TMPRSS9: variants seen among roughly 807,000 people sequenced by gnomAD.
TMPRSS9 encodes transmembrane protease serine 9.
A neutral mutation model predicts 111.4 loss-of-function variants in TMPRSS9; 113 were observed. The observed-to-expected ratio is 1.01, with a 90% confidence interval of 0.87 to 1.19. The LOEUF is 1.19. Among genes scored for constraint, TMPRSS9 ranks in the 50% most tolerant of loss-of-function variants. The probability of loss-of-function intolerance (pLI) is 0.00; values close to 1 mark genes in which losing one functional copy is unlikely to be tolerated. For missense variants in TMPRSS9, 1,803 were observed against 1,513.1 expected, an observed-to-expected ratio of 1.19 and a Z score of -3.18; for synonymous variants, 805 against 659.1, an observed-to-expected ratio of 1.22 and a Z score of -3.39.
At chr19:2,420,122 G>C (rs531366034) in intron 13 of TMPRSS9, among the ~76,000 whole-genome samples, 1 of 151,992 alleles carries the variant, frequency 6.6e-6, no homozygotes, top group Non-Finnish European at 1.5e-5. Context: ...TGATCACACA[G>C]CTGCACTCCA....
chr19:2,408,717 C>G, intron 8 of TMPRSS9, 87 bp downstream of exon 9: 2 of 1,515,714 alleles, frequency 1.3e-6, no homozygotes, highest in African/African-American at 2.7e-5. Flanking sequence ...TGGCTCACGC[C>G]TGTCATCCCA....
At chr19:2,388,438 C>A (rs1412744258), upstream of TMPRSS9, among the ~76,000 whole-genome samples, 5 of 152,012 alleles carry the variant, frequency 3.3e-5, no homozygotes, top group Non-Finnish European at 7.4e-5. Flanking sequence ...CTGGAAGAGG[C>A]TGCACTGTGG....
chr19:2,380,716 C>T (rs1210249805), intron 1 of TMPRSS9, among the ~76,000 whole-genome samples: 3 of 152,160 alleles, frequency 2.0e-5, no homozygotes, highest in Admixed American at 1.3e-4. Flanking sequence ...CAGCTAAACC[C>T]TGTCAGAATC....
At chr19:2,406,035 G>C (rs192003321) in intron 7 of TMPRSS9, among the ~76,000 whole-genome samples, 1,616 of 132,982 alleles carry the variant, frequency 0.012, 27 homozygotes, top group East Asian at 0.081. Flanking sequence ...TTTTGAGATG[G>C]AGTCTCGCTC....
At chr19:2,378,612 G>A (rs1169452589) in intron 1 of TMPRSS9, among the ~76,000 whole-genome samples, 2 of 152,180 alleles carry the variant, frequency 1.3e-5, no homozygotes, top group Non-Finnish European at 2.9e-5. Context: ...CAGCTACTTG[G>A]GAGGCTGAGG....
chr19:2,383,010 G>A (rs146374769), intron 1 of TMPRSS9, among the ~76,000 whole-genome samples: 1 of 152,222 alleles, frequency 6.6e-6, no homozygotes, highest in African/African-American at 2.4e-5. Flanking sequence ...ATTGGGTGAG[G>A]CCCACCACAT....
intron 1 of TMPRSS9, among the ~76,000 whole-genome samples, chr19:2,376,676 T>C (rs1865122): frequency 0.25 from 38,471 of 151,918 alleles, 5,420 homozygotes; most frequent in Admixed American, 0.38. Flanking sequence ...GCCAGGCTGA[T>C]CTCAAACTGA....
At chr19:2,399,168 C>T in exon 4 of TMPRSS9, 1 of 1,608,034 alleles carries the variant, frequency 6.2e-7, no homozygotes, top group East Asian at 2.2e-5. Context: ...CTGCCTATGG[C>T]ACAATTGTGT....
At chr19:2,425,045 T>C (rs1375978258) in exon 16 of TMPRSS9, 3 of 1,559,284 alleles carry the variant, frequency 1.9e-6, no homozygotes, top group Non-Finnish European at 2.6e-6. Context: ...AGGCACGCCG[T>C]TCCTGAGCGG....
At chr19:2,425,888 G>A (rs755211126) in intron 17 of TMPRSS9, 39 bp from the exon 19 acceptor site, 2 of 1,552,390 alleles carry the variant, frequency 1.3e-6, no homozygotes, top group South Asian at 2.4e-5. Flanking sequence ...TGTAGGGGAG[G>A]TACCGGCCTC....
intron 8 of TMPRSS9, among the ~76,000 whole-genome samples, chr19:2,409,284 A>C (rs951168735): frequency 6.6e-6 from 1 of 151,100 alleles, no homozygotes; most frequent in Non-Finnish European, 1.5e-5. Flanking sequence ...GACTATAGGC[A>C]TGCACCACCA....
At chr19:2,368,785 T>G (rs1193029677) in intron 1 of TMPRSS9, among the ~76,000 whole-genome samples, 3 of 110,820 alleles carry the variant, frequency 2.7e-5, no homozygotes, top group East Asian at 2.5e-4. Context: ...TTTTTTTTTT[T>G]TTTTTTTTTT....
At chr19:2,419,603 G>A (rs1359526084) in intron 13 of TMPRSS9, among the ~76,000 whole-genome samples, 2 of 151,162 alleles carry the variant, frequency 1.3e-5, no homozygotes, top group Admixed American at 6.6e-5. Flanking sequence ...TGCAACCTCT[G>A]CCTCCTGGGT....
exon 14 of TMPRSS9, chr19:2,422,247 G>C (rs1363463258): frequency 6.7e-7 from 1 of 1,502,180 alleles, no homozygotes; most frequent in Non-Finnish European, 8.8e-7. Context: ...CCAGCTACCA[G>C]GTACCGGGAG....
chr19:2,390,372 T>C (rs891281806), intron 1 of TMPRSS9, among the ~76,000 whole-genome samples: 3 of 148,976 alleles, frequency 2.0e-5, no homozygotes, highest in Non-Finnish European at 4.5e-5. Flanking sequence ...CCTCCCCGAG[T>C]AGCTGGGACT....
rs111240493 is a variant in TMPRSS9 at position 2,391,740 on chromosome 19, C to CTTT, written c.142+1826_142+1828dup. On this transcript the variant is annotated intron_variant, in intron 1 of 17. Transcript: ENST00000648592. Reference sequence around the variant, plus strand: ...GGACCCCCCTGAAAGGAAAGGAAGTCTTTTTTTTTTTTTTTGAGATGGAGT... The same window carrying CTTT: ...GGACCCCCCTGAAAGGAAAGGAAGTCTTTTTTTTTTTTTTTTTTGAGATGGAGT... 7.0e-3 allele frequency among the ~76,000 whole-genome samples: 929 copies of CTTT among 132,916 alleles called. 27 individuals carry two copies. Among genetic ancestry groups the CTTT allele is most frequent in the African/African-American group, 0.018 (643 of 34,926 alleles). 87.2% of individuals were successfully genotyped at this position (132,916 alleles called of 152,430 possible). A position where few individuals can be genotyped will look rare whatever the true frequency, so the allele number is the denominator to read the frequency against.
In TMPRSS9 at chr19:2,368,641, C is replaced by T. The variant is rs367992003; in HGVS notation, c.-26+8281C>T. Among the ~76,000 whole-genome samples, 108 of 152,216 alleles carry T rather than the reference C, an allele frequency of 7.1e-4. 2 individuals are homozygous for T. In the Middle Eastern group the frequency reaches 0.017, roughly 24 times the overall value. On this transcript the variant is annotated intron_variant, in intron 1 of 17. Coordinates refer to the TMPRSS9 transcript ENST00000649857. ...AAGATGGAAGTGGCATTTTGTGAGC[C>T]TGGGCGATGCCCTGCTTAGACCAGG...
At chr19:2,423,398 G>T (rs1407711114) in intron 14 of TMPRSS9, among the ~76,000 whole-genome samples, 1 of 150,194 alleles carries the variant, frequency 6.7e-6, no homozygotes, top group Non-Finnish European at 1.5e-5. Flanking sequence ...GCCAAGGCTG[G>T]TGGGGAACTG....
intron 14 of TMPRSS9, among the ~76,000 whole-genome samples, chr19:2,422,997 C>A (rs922512199): frequency 1.3e-5 from 2 of 151,196 alleles, no homozygotes; most frequent in African/African-American, 4.9e-5. Context: ...GCAGAGGCTG[C>A]AGTGAGCCGA....
Sources: gnomAD v4.1 joint callset for allele counts (sites outside exome capture counted in the v4.1 genomes callset) on GRCh38, gnomAD v4.1.1 for gene constraint, MANE v1.5 for transcripts, NCBI Gene and HGNC (gene_info 2026-07-23, HGNC 2026-07-21) for gene names.